Variants in ATP5MK observed in about 807,000 individuals in gnomAD.
ATP5MK encodes ATP synthase membrane subunit k.
ATP5MK carries 5 observed loss-of-function variants against 6.6 expected under a neutral mutation model. The ratio of observed to expected loss-of-function variants is 0.76; its 90% confidence interval spans 0.40 to 1.60. The LOEUF (loss-of-function observed/expected upper bound fraction) is 1.60, where lower values mean the gene tolerates loss of function less well. Ranked by LOEUF, ATP5MK falls within the 40% of genes most tolerant of loss-of-function variation. The pLI is 0.02. For missense variants in ATP5MK, 57 were observed against 66.6 expected, an observed-to-expected ratio of 0.86 and a Z score of 0.50; for synonymous variants, 30 against 24.5, an observed-to-expected ratio of 1.22 and a Z score of -0.66.
At position 103,395,755 on chromosome 10, in the gene ATP5MK, T is replaced by C. The variant is rs976178649; in HGVS notation, c.-19A>G. 1.3e-5 allele frequency: 2 copies of C among 152,252 alleles called. No individual in the cohort carries two copies. Among genetic ancestry groups the C allele is most frequent in the Non-Finnish European group, 2.9e-5 (2 of 68,062 alleles). The allele number at this position is 152,252 out of a possible 1,614,324, so 9.4% of individuals were successfully genotyped here. A position where few individuals can be genotyped will look rare whatever the true frequency, so the allele number is the denominator to read the frequency against. ...CTAACTTAACACCTACCTGGAATGG[T>C]GAGATCACGAGGTAAGGAAGGCAAA... On this transcript the variant is annotated 5_prime_UTR_variant, in exon 2 of 5. Transcript: ENST00000369815.
rs540555518 is a variant in ATP5MK at position 103,391,891 on chromosome 10, C to T, written c.*3+300G>A. On this transcript the variant is annotated intron_variant, in intron 4 of 4. Transcript: ENST00000369815. Reference sequence around the variant, plus strand: ...CGTGATCTCGGCTCACTGCAACCTTCGCCTCCTGGACTTAAGCAGTTCTCC... The same window carrying T: ...CGTGATCTCGGCTCACTGCAACCTTTGCCTCCTGGACTTAAGCAGTTCTCC... Among the ~76,000 whole-genome samples, 5 of 152,056 alleles carry T rather than the reference C, an allele frequency of 3.3e-5. No individual in the cohort carries two copies. The South Asian group carries it at 1.0e-3, about 32-fold the overall frequency.
chr10:103,392,292 G>T lies in ATP5MK; in HGVS notation c.88-9C>A. On this transcript the variant is annotated splice_polypyrimidine_tract_variant and intron_variant, in intron 3 of 4. Transcript: ENST00000369815. ...TATGTGGCCAGTACACACTGAGAAA[G>T]AAAGAAAAAAGTAAACAAGACTTGT... 6.2e-7 allele frequency: 1 copy of T among 1,602,592 alleles called. No homozygotes were observed. The highest frequency in any genetic ancestry group is 8.5e-7 in the Non-Finnish European group (1 of 1,176,892).
intron 2 of ATP5MK, among the ~76,000 whole-genome samples, chr10:103,393,899 C>T (rs1053640533): frequency 9.2e-5 from 14 of 152,122 alleles, no homozygotes; most frequent in African/African-American, 3.1e-4. Context: ...TCCCAAGTAA[C>T]GTTCAATTTT....
At chr10:103,392,167 A>G (rs2093416421) in intron 4 of ATP5MK, 24 bp downstream of exon 4, 1 of 1,567,062 alleles carries the variant, frequency 6.4e-7, no homozygotes, top group Non-Finnish European at 8.7e-7. Context: ...CTAAATTATA[A>G]AGGTTTAAAT....
intron 2 of ATP5MK, chr10:103,394,432 T>C: frequency 2.2e-6 from 1 of 459,432 alleles, no homozygotes; most frequent in Non-Finnish European, 4.8e-6. Flanking sequence ...TGTCAGGGAG[T>C]CATTACTATG....
intron 2 of ATP5MK, chr10:103,394,417 A>G (rs771238722): frequency 2.0e-5 from 10 of 499,276 alleles, no homozygotes; most frequent in Non-Finnish European, 4.3e-5. Context: ...GAAGAGGGAG[A>G]TATCTGTCAG....
intron 2 of ATP5MK, among the ~76,000 whole-genome samples, chr10:103,393,544 C>T (rs2093420774): frequency 6.7e-6 from 1 of 150,020 alleles, no homozygotes; most frequent in South Asian, 2.1e-4. Flanking sequence ...TGCGCCACTG[C>T]ACTCCAGCCT....
At chr10:103,391,253 A>G (rs1400442972) in intron 4 of ATP5MK, among the ~76,000 whole-genome samples, 1 of 152,244 alleles carries the variant, frequency 6.6e-6, no homozygotes, top group East Asian at 1.9e-4. Flanking sequence ...TAATTGGGAA[A>G]GCACTTTTGC....
chr10:103,390,617 C>T (rs1331613899), intron 4 of ATP5MK, among the ~76,000 whole-genome samples: 5 of 151,988 alleles, frequency 3.3e-5, no homozygotes, highest in East Asian at 1.9e-4. Flanking sequence ...GGTGAAACCC[C>T]GTCTCTACTA....
intron 2 of ATP5MK, chr10:103,394,315 C>T (rs774451000): frequency 2.2e-5 from 12 of 534,178 alleles, no homozygotes; most frequent in African/African-American, 5.8e-5. Context: ...ACCGACGCCA[C>T]GCCGAGTCGA....
chr10:103,393,292 G>C (rs1468815458), intron 2 of ATP5MK, among the ~76,000 whole-genome samples: 1 of 152,064 alleles, frequency 6.6e-6, no homozygotes, highest in African/African-American at 2.4e-5. Context: ...GTATAAACTG[G>C]TAAAACCAGC....
At chr10:103,389,320 G>A (rs946867512) in intron 4 of ATP5MK, among the ~76,000 whole-genome samples, 154 bp from the exon 5 acceptor site, 2 of 152,056 alleles carry the variant, frequency 1.3e-5, no homozygotes, top group African/African-American at 4.8e-5. Context: ...GTGTATCTCA[G>A]ATTAATACTT....
At chr10:103,395,689 CTT>C (rs2093431148) in intron 2 of ATP5MK, 55 bp downstream of exon 2, 1 of 152,256 alleles carries the variant, frequency 6.6e-6, no homozygotes, top group Non-Finnish European at 1.5e-5. Context: ...ACCAGTAGCT[CTT>C]GTTACTTTCT....
intron 4 of ATP5MK, among the ~76,000 whole-genome samples, chr10:103,391,369 A>C (rs746889261): frequency 2.6e-4 from 39 of 152,270 alleles, no homozygotes; most frequent in Non-Finnish European, 4.9e-4. Flanking sequence ...AATAGTTCAT[A>C]TATTTATAAA....
At chr10:103,392,314 T>C in intron 3 of ATP5MK, 31 bp from the exon 4 acceptor site, 1 of 1,599,306 alleles carries the variant, frequency 6.3e-7, no homozygotes, top group Non-Finnish European at 8.5e-7. Context: ...TAAACAAGAC[T>C]TGTTGTTCCA....
At chr10:103,392,125 A>C (rs1316590884) in intron 4 of ATP5MK, 66 bp downstream of exon 4, 11 of 1,429,692 alleles carry the variant, frequency 7.7e-6, no homozygotes, top group Non-Finnish European at 1.1e-5. Flanking sequence ...TTTTATACTA[A>C]ATGTTAGGGA....
At chr10:103,392,544 G>T in intron 2 of ATP5MK, 78 bp from the exon 3 acceptor site, 1 of 1,123,258 alleles carries the variant, frequency 8.9e-7, no homozygotes, top group Non-Finnish European at 1.3e-6. Context: ...TCTTGTTTTA[G>T]TCTAAAAACT....
At chr10:103,391,874 C>T (rs893662902) in intron 4 of ATP5MK, among the ~76,000 whole-genome samples, 2 of 152,060 alleles carry the variant, frequency 1.3e-5, no homozygotes, top group Admixed American at 6.6e-5. Context: ...GGCGTGATCT[C>T]GGCTCACTGC....
rs1055873005 is a variant in ATP5MK, at chr10:103,392,935, TGGGAGAA to T, written c.-9-476_-9-470del. Reference sequence around the variant, plus strand: ...TGTTATAAGTAATTTAGGACCTCCATGGGAGAAGGGAGAAGGGATAATTTATTAAATG... The same window carrying T: ...TGTTATAAGTAATTTAGGACCTCCATGGGAGAAGGGATAATTTATTAAATG... On this transcript the variant is annotated intron_variant, in intron 2 of 4. Coordinates refer to ENST00000369815, the MANE Select transcript of ATP5MK (RefSeq NM_001206427.2). Among the ~76,000 whole-genome samples the T allele has an allele frequency of 5.8e-4, 88 of 152,252 alleles. 1 individual carries two copies. Among genetic ancestry groups the T allele is most frequent in the African/African-American group, 8.2e-4 (34 of 41,572 alleles).
Sources: allele counts gnomAD v4.1 joint callset (sites outside exome capture counted in the v4.1 genomes callset), GRCh38; gene constraint gnomAD v4.1.1; transcripts MANE v1.5; gene names NCBI Gene and HGNC (gene_info 2026-07-23, HGNC 2026-07-21).